The following SP140 variants were observed in gnomAD, a reference collection of about 807,000 sequenced individuals.
SP140 encodes the protein SP140 nuclear body protein.
In SP140, 81 loss-of-function variants were observed where a neutral mutation model predicts 125.0. That is an observed-to-expected ratio of 0.65 (90% CI 0.54 to 0.78). The LOEUF (loss-of-function observed/expected upper bound fraction) is 0.78, where lower values mean the gene tolerates loss of function less well. SP140 is among the 30% of genes least tolerant of loss of function. The pLI is 0.00. For missense variants in SP140, 858 were observed against 1,037.0 expected (o/e 0.83, Z 2.37); for synonymous variants, 312 against 354.0 (o/e 0.88, Z 1.33).
intron 1 of SP140, among the ~76,000 whole-genome samples, chr2:230,226,387 T>G (rs531816600): frequency 1.3e-5 from 2 of 152,310 alleles, no homozygotes; most frequent in South Asian, 4.1e-4. Flanking sequence ...CTAGAATCAC[T>G]TCAGGATCTC....
downstream of SP140, among the ~76,000 whole-genome samples, chr2:230,314,148 C>G (rs148277414): frequency 4.0e-4 from 61 of 152,296 alleles, no homozygotes; most frequent in African/African-American, 1.4e-3. Flanking sequence ...CAGCATGGGG[C>G]TATCTAGATA....
At position 230,251,069 on chromosome 2, in the gene SP140, A is replaced by T. The variant is rs575302646; in HGVS notation, c.1057+8A>T. The T allele has an allele frequency of 6.2e-7, 1 of 1,611,558 alleles. No homozygotes were observed. The highest frequency in any genetic ancestry group is 2.2e-5 in the East Asian group (1 of 44,884). On this transcript the variant is annotated splice_region_variant and intron_variant, in intron 10 of 26. Coordinates refer to ENST00000392045, the MANE Select transcript of SP140 (RefSeq NM_007237.5). ...TAGCAAGATGTGGGTCAGGTAAAGA[A>T]GGGGAGGATTTCTGGCCCTGGGCTG...
chr2:230,238,825 C>G (rs550223117), intron 3 of SP140: 34 of 1,555,254 alleles, frequency 2.2e-5, no homozygotes, highest in Non-Finnish European at 2.6e-5. Flanking sequence ...GGAGAAGTCA[C>G]GAAGAGAGCC....
At chr2:230,245,988 AAC>A in intron 7 of SP140, 48 bp downstream of exon 7, 1 of 1,110,428 alleles carries the variant, frequency 9.0e-7, no homozygotes, top group South Asian at 1.3e-5. Flanking sequence ...AACATACAAA[AAC>A]ACCTACTCTT....
the SP140 span, among the ~76,000 whole-genome samples, chr2:230,188,766 T>C: frequency 6.6e-6 from 1 of 152,216 alleles, no homozygotes; most frequent in African/African-American, 2.4e-5. Flanking sequence ...ATTCTGTTTT[T>C]GTGATGTACC....
intron 22 of SP140, among the ~76,000 whole-genome samples, chr2:230,301,895 C>A (rs996239741): frequency 6.6e-6 from 1 of 152,128 alleles, no homozygotes; most frequent in Admixed American, 6.6e-5. Context: ...ACTCACCTAA[C>A]ACATAAGGAC....
intron 15 of SP140, among the ~76,000 whole-genome samples, chr2:230,284,036 G>A (rs897245011): frequency 6.6e-6 from 1 of 152,082 alleles, no homozygotes; most frequent in African/African-American, 2.4e-5. Context: ...ACAAACACTT[G>A]AAAAAGCAAC....
At chr2:230,241,087 G>T (rs2048659154) in intron 3 of SP140, among the ~76,000 whole-genome samples, 2 of 152,166 alleles carry the variant, frequency 1.3e-5, no homozygotes, top group Non-Finnish European at 2.9e-5. Context: ...ATAAGTACAA[G>T]TACAGACAAT....
chr2:230,248,787 G>A (rs995671573), intron 8 of SP140, 98 bp from the exon 9 acceptor site: 7 of 899,582 alleles, frequency 7.8e-6, no homozygotes, highest in African/African-American at 6.7e-5. Flanking sequence ...CAAGACAGGG[G>A]TGGCTCTCAG....
intron 21 of SP140, 130 bp from the exon 22 acceptor site, chr2:230,297,291 C>G: frequency 8.9e-7 from 1 of 1,125,652 alleles, no homozygotes. Context: ...TACTGGCCTT[C>G]TCTCTTCCCA....
In SP140 at chr2:230,216,853, A is replaced by G. The variant is rs41309082; in HGVS notation, c.-91+2779A>G. 162 of 1,614,008 alleles carry G rather than the reference A, an allele frequency of 1.0e-4. 2 individuals are homozygous for G. Among genetic ancestry groups the G allele is most frequent in the Non-Finnish European group, 8.0e-5 (94 of 1,179,988 alleles). On this transcript the variant is annotated intron_variant, in intron 3 of 4. Transcript: ENST00000456542. ...AGAAGGGAAATGGCTTGTGTATGGC[A>G]TAGGCGATCCCCAGCTTCTGGTGCA...
chr2:230,284,234 C>T lies in SP140; in HGVS notation c.1499-112C>T, dbSNP rs539959398. 2.9e-6 allele frequency: 3 copies of T among 1,034,674 alleles called. No individual in the cohort carries two copies. The African/African-American group carries it at 4.9e-5, about 17-fold the overall frequency. 64.1% of individuals were successfully genotyped at this position (1,034,674 alleles called of 1,614,324 possible). A position where few individuals can be genotyped will look rare whatever the true frequency, so the allele number is the denominator to read the frequency against. ...ACACTGATCATAAAGTATTTTGCCC[C>T]ATTCCTGCGGACCAAAGTATGAAAA... On this transcript the variant is annotated intron_variant, in intron 15 of 26. Coordinates refer to ENST00000392045, the MANE Select transcript of SP140 (RefSeq NM_007237.5).
At chr2:230,294,823 A>G (rs2057520570) in intron 21 of SP140, among the ~76,000 whole-genome samples, 1 of 152,224 alleles carries the variant, frequency 6.6e-6, no homozygotes, top group African/African-American at 2.4e-5. Flanking sequence ...AACAAAAAGA[A>G]TATTTCTTTT....
intron 10 of SP140, among the ~76,000 whole-genome samples, chr2:230,252,585 C>T (rs1049407955): frequency 6.6e-6 from 1 of 152,074 alleles, no homozygotes; most frequent in Admixed American, 6.5e-5. Flanking sequence ...GGTGGGAGAC[C>T]AGGTGGGCAA....
intron 1 of SP140, among the ~76,000 whole-genome samples, chr2:230,236,102 C>G (rs192089377): frequency 4.8e-4 from 73 of 152,210 alleles, no homozygotes; most frequent in African/African-American, 1.7e-3. Context: ...GTCTCGATCT[C>G]CTGACCTTGT....
intron 1 of SP140, chr2:230,212,348 T>G: frequency 6.2e-7 from 1 of 1,609,200 alleles, no homozygotes; most frequent in Non-Finnish European, 8.5e-7. Context: ...CAGTGTTACC[T>G]TGCACAGTGC....
At chr2:230,283,571 C>A (rs1351427876) in intron 15 of SP140, among the ~76,000 whole-genome samples, 1 of 152,176 alleles carries the variant, frequency 6.6e-6, no homozygotes, top group Non-Finnish European at 1.5e-5. Flanking sequence ...CAATCCCCAC[C>A]ACTTTTGTCC....
intron 1 of SP140, among the ~76,000 whole-genome samples, chr2:230,227,626 A>G (rs2046648277): frequency 6.6e-6 from 1 of 152,246 alleles, no homozygotes; most frequent in Admixed American, 6.5e-5. Flanking sequence ...AGGCCTATTC[A>G]GACAACCTAT....
chr2:230,208,194 T>C (rs1353113569), intron 1 of SP140: 5 of 638,196 alleles, frequency 7.8e-6, no homozygotes, highest in Non-Finnish European at 1.4e-5. Context: ...GTGATGGTAC[T>C]TCAGGGAGTA....
Sources: allele counts gnomAD v4.1 joint callset (sites outside exome capture counted in the v4.1 genomes callset), GRCh38; gene constraint gnomAD v4.1.1; transcripts MANE v1.5; gene names NCBI Gene and HGNC (gene_info 2026-07-23, HGNC 2026-07-21).